Variants in EBF3 observed in about 807,000 individuals in gnomAD.
EBF3 encodes the protein transcription factor COE3.
Under a neutral mutation model 77.1 loss-of-function variants are expected in EBF3, and 18 were observed. That is an observed-to-expected ratio of 0.23 (90% confidence interval 0.16 to 0.35). EBF3 has a LOEUF of 0.35. Among genes scored for constraint, EBF3 ranks in the 10% least tolerant of loss-of-function variants. The pLI is 1.00. For synonymous variants in EBF3, 350 were observed against 343.5 expected (o/e 1.02, Z -0.21); for missense variants, 558 against 860.0 (o/e 0.65, Z 4.39).
In EBF3 at chr10:129,952,946, A is replaced by G. The variant is rs1858774504; in HGVS notation, c.554+4312T>C. ...TGTGTGCTGACAAAAAGTCAATCCC[A>G]TGAATAATTCAGTGAGCAGGACTGC... On this transcript the variant is annotated intron_variant, in intron 6 of 16. Coordinates refer to ENST00000440978, the MANE Select transcript of EBF3 (RefSeq NM_001375380.1). The surrounding 1 kb of genome is among the most constrained non-coding windows in gnomAD (Gnocchi z 4.7). Among the ~76,000 whole-genome samples the G allele has an allele frequency of 6.6e-6, 1 of 151,908 alleles. No individual in the cohort carries two copies. Among genetic ancestry groups the G allele is most frequent in the Non-Finnish European group, 1.5e-5 (1 of 68,000 alleles).
chr10:129,837,795 G>GTCTT lies in EBF3; in HGVS notation c.*144_*147dup. On this transcript the variant is annotated 3_prime_UTR_variant, in exon 17 of 17. Coordinates refer to ENST00000440978, the MANE Select transcript of EBF3 (RefSeq NM_001375380.1). ...AGTTTAAATAAAATCTTTAAACAAAGTCTTTTGTAGCATTTCAATTGCTGC... is the reference window on the plus strand; with the variant it reads ...AGTTTAAATAAAATCTTTAAACAAAGTCTTTCTTTTGTAGCATTTCAATTGCTGC... 1 of 1,008,102 alleles carries GTCTT rather than the reference G, an allele frequency of 9.9e-7. No individual in the cohort carries two copies. Among genetic ancestry groups the GTCTT allele is most frequent in the South Asian group, 1.6e-5 (1 of 64,152 alleles). 62.4% of individuals were successfully genotyped at this position (1,008,102 alleles called of 1,614,324 possible).
intron 6 of EBF3, among the ~76,000 whole-genome samples, chr10:129,942,086 G>A (rs990227225): frequency 6.6e-6 from 1 of 152,122 alleles, no homozygotes; most frequent in Admixed American, 6.6e-5. Flanking sequence ...AGGGAGCCCC[G>A]CCTCACCCAC....
chr10:129,932,669 T>G (rs985180757), intron 6 of EBF3, among the ~76,000 whole-genome samples: 7 of 151,758 alleles, frequency 4.6e-5, no homozygotes, highest in Non-Finnish European at 7.4e-5. Context: ...CAATTTTTTT[T>G]CCTGCACATT....
At position 129,857,795 on chromosome 10, in the gene EBF3, C is replaced by T. The variant is rs542139448; in HGVS notation, c.1040-9315G>A. On this transcript the variant is annotated intron_variant, in intron 10 of 16. Coordinates refer to ENST00000440978, the MANE Select transcript of EBF3 (RefSeq NM_001375380.1). The stretch of plus-strand genomic sequence containing the variant: ...CCCCACCTGATACCCCCACCATGAG[C>T]GCCTATGAGAACCAGTAGCTTCCCC... Among the ~76,000 whole-genome samples, 6 of 152,248 alleles carry T rather than the reference C, an allele frequency of 3.9e-5. No homozygotes were observed. In the East Asian group the frequency reaches 9.7e-4, roughly 25 times the overall value.
intron 6 of EBF3, among the ~76,000 whole-genome samples, chr10:129,903,283 A>G (rs1054977028): frequency 4.6e-5 from 7 of 152,234 alleles, no homozygotes; most frequent in Non-Finnish European, 1.5e-5. Context: ...TTCCAAAGTA[A>G]TATTATTTTC....
chr10:129,925,113 C>A (rs1387975765), intron 6 of EBF3, among the ~76,000 whole-genome samples: 3 of 151,458 alleles, frequency 2.0e-5, no homozygotes, highest in African/African-American at 4.9e-5. Flanking sequence ...TGCGTGTGTA[C>A]GGTTGGTGCA....
In EBF3 at chr10:129,836,447, G is replaced by A. The variant is rs150012325; in HGVS notation, c.*1496C>T. 15 of 152,630 alleles carry A rather than the reference G, an allele frequency of 9.8e-5. No homozygotes were observed. The highest frequency in any genetic ancestry group is 1.9e-4 in the Non-Finnish European group (13 of 68,004). 9.5% of individuals were successfully genotyped at this position (152,630 alleles called of 1,614,324 possible). A position where few individuals can be genotyped will look rare whatever the true frequency, so the allele number is the denominator to read the frequency against. On this transcript the variant is annotated 3_prime_UTR_variant, in exon 17 of 17. Coordinates refer to ENST00000440978, the MANE Select transcript of EBF3 (RefSeq NM_001375380.1). Reference sequence around the variant, plus strand: ...CAAACGGTGTCACCTCTTCGCGGCCGCTCCACATGCACAGAATCTACTAGG... The same window carrying A: ...CAAACGGTGTCACCTCTTCGCGGCCACTCCACATGCACAGAATCTACTAGG...
At chr10:129,910,618 T>A (rs948087215) in intron 6 of EBF3, among the ~76,000 whole-genome samples, 1 of 152,112 alleles carries the variant, frequency 6.6e-6, no homozygotes, top group African/African-American at 2.4e-5. Flanking sequence ...GGTGTACGGA[T>A]TGTCCACCCA....
At chr10:129,928,468 C>T (rs1245640800) in intron 6 of EBF3, among the ~76,000 whole-genome samples, 1 of 152,146 alleles carries the variant, frequency 6.6e-6, no homozygotes, top group Non-Finnish European at 1.5e-5. Context: ...CCGCCTTCTC[C>T]AGGATTCTAG....
At position 129,842,055 on chromosome 10, in the gene EBF3, AG is replaced by A; in HGVS notation, c.1372+60del. On this transcript the variant is annotated intron_variant, in intron 13 of 16. Transcript: ENST00000440978. The surrounding 1 kb of genome is among the most constrained non-coding windows in gnomAD (Gnocchi z 4.4). ...CCCTGGACACGTGCCTCTTCAGCTA[AG>A]GCCTCAACCAACCCTCGGAGGGCGT... The A allele has an allele frequency of 6.2e-7, 1 of 1,606,392 alleles. No homozygotes were observed. Among genetic ancestry groups the A allele is most frequent in the Non-Finnish European group, 8.5e-7 (1 of 1,174,942 alleles).
intron 6 of EBF3, among the ~76,000 whole-genome samples, chr10:129,903,097 T>TA (rs1854902127): frequency 6.6e-6 from 1 of 152,244 alleles, no homozygotes; most frequent in Non-Finnish European, 1.5e-5. Context: ...ATGAAAGTCA[T>TA]ACACACGTTT....
rs1849665494 is a variant in EBF3 at position 129,837,261 on chromosome 10, G to A, written c.*682C>T. On this transcript the variant is annotated 3_prime_UTR_variant, in exon 17 of 17. Coordinates refer to ENST00000440978, the MANE Select transcript of EBF3 (RefSeq NM_001375380.1). ...ACAGTAGCATTTTTTCTCTGTCAGT[G>A]TGCTTGTTGAAGGCAAGAGAATTCA... is the stretch of plus-strand genomic sequence containing the variant. The A allele has an allele frequency of 6.5e-6, 1 of 152,700 alleles. No homozygotes were observed. Among genetic ancestry groups the A allele is most frequent in the Non-Finnish European group, 1.5e-5 (1 of 68,106 alleles). The allele number at this position is 152,700 out of a possible 1,614,324, so 9.5% of individuals were successfully genotyped here.
chr10:129,843,943 G>A (rs952124634), intron 11 of EBF3, among the ~76,000 whole-genome samples: 1 of 152,198 alleles, frequency 6.6e-6, no homozygotes, highest in African/African-American at 2.4e-5. Flanking sequence ...ACGATTGTGC[G>A]GATTAATCCA....
intron 6 of EBF3, among the ~76,000 whole-genome samples, chr10:129,925,083 CGCGT>C (rs995448413): frequency 2.1e-4 from 12 of 55,870 alleles, no homozygotes; most frequent in East Asian, 3.2e-3. Flanking sequence ...TGTGTGTGCA[CGCGT>C]GTGTGTGTGT....
chr10:129,874,843 C>A (rs1392506895), intron 7 of EBF3, among the ~76,000 whole-genome samples: 1 of 152,280 alleles, frequency 6.6e-6, no homozygotes, highest in Non-Finnish European at 1.5e-5. Context: ...CCACCATAGG[C>A]CTTAGTGAAT....
At chr10:129,945,863 TAACAA>T (rs1455510885) in intron 6 of EBF3, among the ~76,000 whole-genome samples, 4 of 152,282 alleles carry the variant, frequency 2.6e-5, no homozygotes, top group Admixed American at 1.3e-4. Flanking sequence ...CTCAACTTGA[TAACAA>T]AACCTGCTAC....
intron 6 of EBF3, among the ~76,000 whole-genome samples, chr10:129,950,837 T>C (rs78020375): frequency 0.014 from 2,060 of 152,280 alleles, 44 homozygotes; most frequent in East Asian, 0.052. Context: ...ACGGAGGGAA[T>C]GGTTTTCATT....
At chr10:129,917,372 G>GA (rs1053484576) in intron 6 of EBF3, among the ~76,000 whole-genome samples, 15 of 150,306 alleles carry the variant, frequency 1.0e-4, no homozygotes, top group South Asian at 8.4e-4. Flanking sequence ...CCGTCTCAAG[G>GA]AAAAAAAACA....
chr10:129,838,270 C>A (rs1197820238), intron 16 of EBF3, among the ~76,000 whole-genome samples: 1 of 152,264 alleles, frequency 6.6e-6, no homozygotes, highest in Non-Finnish European at 1.5e-5. Context: ...AGCTTCCCCA[C>A]ACTGACCGGT....
Sources: allele counts gnomAD v4.1 joint callset (sites outside exome capture counted in the v4.1 genomes callset), GRCh38; gene constraint gnomAD v4.1.1; non-coding constraint Gnocchi (gnomAD v3.1); transcripts MANE v1.5; gene names NCBI Gene and HGNC (gene_info 2026-07-23, HGNC 2026-07-21).